Variants in MYZAP observed in about 807,000 individuals in gnomAD.
MYZAP encodes GRINL1A complex locus upstream.
MYZAP carries 66 observed loss-of-function variants against 69.4 expected under a neutral mutation model. The ratio of observed to expected loss-of-function variants is 0.95; its 90% CI spans 0.78 to 1.17. The LOEUF is 1.17. Among genes scored for constraint, MYZAP ranks in the 50% most tolerant of loss-of-function variants. MYZAP has a pLI of 0.00. For synonymous variants in MYZAP, 256 were observed against 205.9 expected (o/e 1.24, Z -2.09); for missense variants, 611 against 556.2 (o/e 1.10, Z -0.99).
intron 2 of MYZAP, among the ~76,000 whole-genome samples, chr15:57,614,077 C>A (rs567688396): frequency 3.6e-4 from 55 of 152,322 alleles, no homozygotes; most frequent in Non-Finnish European, 6.6e-4. Context: ...CTCCTAGCAG[C>A]TTTTCTGGGT....
chr15:57,675,132 T>C (rs1168135814), intron 12 of MYZAP, 64 bp downstream of exon 12: 2 of 1,392,186 alleles, frequency 1.4e-6, no homozygotes, highest in East Asian at 2.3e-5. Context: ...GAAAATACTT[T>C]ACTAGGCTGT....
In MYZAP at chr15:57,676,408, ATGTATATATATGTGTATATATATATATG is replaced by A. The variant is rs2039118037; in HGVS notation, c.1304+1342_1304+1369del. 2.4e-4 allele frequency among the ~76,000 whole-genome samples: 3 copies of A among 12,416 alleles called. No individual in the cohort carries two copies. The Admixed American group carries it at 2.6e-3, about 11-fold the overall frequency. The allele number at this position is 12,416 out of a possible 152,430, so 8.1% of individuals were successfully genotyped here. ...AATAGAAAATGTTGAATATATATAT[ATGTATATATATGTGTATATATATATATG>A]TATATATATATATATATATATACAT... On this transcript the variant is annotated intron_variant, in intron 12 of 12. Transcript: ENST00000267853.
chr15:57,628,079 G>A (rs891323002), intron 5 of MYZAP, among the ~76,000 whole-genome samples: 3 of 152,168 alleles, frequency 2.0e-5, no homozygotes, highest in African/African-American at 7.2e-5. Context: ...CTAGACAAGA[G>A]CACAGAGGTG....
At chr15:57,651,276 C>T (rs1286019366) in intron 10 of MYZAP, among the ~76,000 whole-genome samples, 1 of 152,222 alleles carries the variant, frequency 6.6e-6, no homozygotes, top group Non-Finnish European at 1.5e-5. Context: ...AAGCAGTTCA[C>T]TCCCTTGGAC....
intron 4 of MYZAP, among the ~76,000 whole-genome samples, chr15:57,624,095 G>T (rs1215562212): frequency 6.6e-6 from 1 of 152,162 alleles, no homozygotes; most frequent in Non-Finnish European, 1.5e-5. Flanking sequence ...CTTTTGAAAT[G>T]TTTGCACCAT....
intron 10 of MYZAP, among the ~76,000 whole-genome samples, chr15:57,643,735 TTTTTTG>T (rs1230863663): frequency 6.7e-6 from 1 of 148,590 alleles, no homozygotes; most frequent in African/African-American, 2.6e-5. Flanking sequence ...AAGAGGTTTT[TTTTTTG>T]TTTTTTTTTT....
At chr15:57,649,327 G>A (rs1325293301) in intron 10 of MYZAP, among the ~76,000 whole-genome samples, 1 of 152,210 alleles carries the variant, frequency 6.6e-6, no homozygotes, top group African/African-American at 2.4e-5. Flanking sequence ...TCACATGTGA[G>A]AGGGCAGATT....
At chr15:57,625,294 G>T (rs553875220) in intron 4 of MYZAP, among the ~76,000 whole-genome samples, 47 of 152,198 alleles carry the variant, frequency 3.1e-4, no homozygotes, top group African/African-American at 1.1e-3. Context: ...GGCTGGTCTC[G>T]AACTCTTGAC....
At chr15:57,672,633 A>G (rs575837592) in intron 11 of MYZAP, among the ~76,000 whole-genome samples, 6 of 152,366 alleles carry the variant, frequency 3.9e-5, no homozygotes, top group Admixed American at 3.3e-4. Flanking sequence ...GGTGATTAAA[A>G]TAAATTCTGG....
At chr15:57,635,511 G>A (rs762464177) in intron 8 of MYZAP, among the ~76,000 whole-genome samples, 16 of 152,240 alleles carry the variant, frequency 1.1e-4, no homozygotes, top group Non-Finnish European at 2.1e-4. Flanking sequence ...AAGCTGGTAA[G>A]GCCAGCCCTC....
intron 10 of MYZAP, chr15:57,648,223 A>T (rs1166723358): frequency 8.1e-6 from 8 of 985,248 alleles, no homozygotes; most frequent in East Asian, 1.1e-4. Context: ...TGTATTATTT[A>T]AAAAAGCAGG....
intron 1 of MYZAP, among the ~76,000 whole-genome samples, chr15:57,597,968 A>G (rs1373871972): frequency 1.3e-5 from 2 of 152,220 alleles, no homozygotes; most frequent in Non-Finnish European, 2.9e-5. Context: ...GCAGGGACCC[A>G]CAGTCACAAA....
intron 10 of MYZAP, among the ~76,000 whole-genome samples, chr15:57,651,289 T>C (rs1465955720): frequency 6.6e-6 from 1 of 152,322 alleles, no homozygotes; most frequent in East Asian, 1.9e-4. Flanking sequence ...CCTTGGACAC[T>C]CCTGTTCAGG....
chr15:57,604,584 A>G (rs1168436311), intron 2 of MYZAP, among the ~76,000 whole-genome samples: 1 of 152,068 alleles, frequency 6.6e-6, no homozygotes, highest in African/African-American at 2.4e-5. Context: ...GGTGAACACT[A>G]TGGCTTTGTG....
In MYZAP at chr15:57,661,543, T is replaced by C. The variant is rs751561600; in HGVS notation, c.1203+10T>C. The C allele has an allele frequency of 3.7e-6, 6 of 1,602,348 alleles. No individual in the cohort carries two copies. The East Asian group carries it at 9.0e-5, about 24-fold the overall frequency. ...TTTCTTAGAAGGAGAGGTAAGGATC[T>C]CTGTTTCTTTAAGTTGGTGTCTTCC... On this transcript the variant is annotated intron_variant, in intron 11 of 12. Coordinates refer to ENST00000267853, the MANE Select transcript of MYZAP (RefSeq NM_001018100.5).
chr15:57,635,654 T>A (rs1046248301), intron 8 of MYZAP, among the ~76,000 whole-genome samples: 16 of 152,378 alleles, frequency 1.1e-4, no homozygotes, highest in East Asian at 3.9e-4. Flanking sequence ...TTTATTGAAC[T>A]AACATTAGGT....
intron 1 of MYZAP, among the ~76,000 whole-genome samples, chr15:57,603,065 G>T (rs2034517978): frequency 6.6e-6 from 1 of 152,006 alleles, no homozygotes; most frequent in Non-Finnish European, 1.5e-5. Context: ...ATTTTTAACA[G>T]AAATGGTGCA....
At chr15:57,682,489 T>C (rs896601850) in intron 12 of MYZAP, among the ~76,000 whole-genome samples, 3 of 152,210 alleles carry the variant, frequency 2.0e-5, no homozygotes, top group Admixed American at 2.0e-4. Context: ...AGAATTCAAG[T>C]TGTCATGATC....
In MYZAP at chr15:57,617,933, G is replaced by C. The variant is rs1036491058; in HGVS notation, c.163-100G>C. 75 of 1,437,674 alleles carry C rather than the reference G, an allele frequency of 5.2e-5. No homozygotes were observed. In the Middle Eastern group the frequency reaches 6.6e-4, roughly 13 times the overall value. The allele number at this position is 1,437,674 out of a possible 1,614,324, so 89.1% of individuals were successfully genotyped here. On this transcript the variant is annotated intron_variant, in intron 2 of 12. Coordinates refer to ENST00000267853, the MANE Select transcript of MYZAP (RefSeq NM_001018100.5). ...CTCCACTGCCAGGCAATGAGTGCTG[G>C]GCACAATTTGCATAATCATACACAG... is the stretch of plus-strand genomic sequence containing the variant.
Sources: gnomAD v4.1 joint callset for allele counts (sites outside exome capture counted in the v4.1 genomes callset) on GRCh38, gnomAD v4.1.1 for gene constraint, MANE v1.5 for transcripts, NCBI Gene and HGNC (gene_info 2026-07-23, HGNC 2026-07-21) for gene names.